Variants in CAMK2D observed in about 807,000 individuals in gnomAD.
CAMK2D encodes the protein calcium/calmodulin dependent protein kinase II delta, also known as calcium/calmodulin-dependent protein kinase type II subunit delta.
Under a neutral mutation model 84.0 loss-of-function variants are expected in CAMK2D, and 37 were observed. That is an observed-to-expected ratio of 0.44 (90% CI 0.34 to 0.58). The LOEUF (loss-of-function observed/expected upper bound fraction) is 0.58, where lower values mean the gene tolerates loss of function less well. Ranked by LOEUF, CAMK2D falls within the 20% of genes least tolerant of loss-of-function variation. The pLI is 0.02. For synonymous variants in CAMK2D, 202 were observed against 212.5 expected, an observed-to-expected ratio of 0.95 and a Z score of 0.43; for missense variants, 448 against 652.5, an observed-to-expected ratio of 0.69 and a Z score of 3.41.
chr4:113,575,490 C>T (rs1391461395), intron 4 of CAMK2D, among the ~76,000 whole-genome samples: 2 of 152,164 alleles, frequency 1.3e-5, no homozygotes, highest in African/African-American at 4.8e-5. Flanking sequence ...GACCCCGGAT[C>T]ATAATTATGA....
At chr4:113,505,516 A>T (rs571847648) in intron 13 of CAMK2D, among the ~76,000 whole-genome samples, 2 of 152,282 alleles carry the variant, frequency 1.3e-5, no homozygotes, top group Admixed American at 6.5e-5. Context: ...AAATTATCCA[A>T]TGAAAATTTA....
rs193093474 is a variant in CAMK2D at position 113,523,857 on chromosome 4, T to G, written c.602-6200A>C. Among the ~76,000 whole-genome samples the G allele has an allele frequency of 5.1e-3, 782 of 152,130 alleles. 5 individuals carry two copies. Among genetic ancestry groups the G allele is most frequent in the African/African-American group, 0.018 (747 of 41,480 alleles). The stretch of plus-strand genomic sequence containing the variant: ...AAAACAGATCTTTTTTTTTGTTGTT[T>G]TTTTGTTTTGTTTTGTTTTTTAAAG... On this transcript the variant is annotated intron_variant, in intron 8 of 20. Transcript: ENST00000511664.
chr4:113,524,690 G>T (rs1349833845), intron 8 of CAMK2D, among the ~76,000 whole-genome samples: 3 of 152,120 alleles, frequency 2.0e-5, no homozygotes, highest in Admixed American at 6.6e-5. Flanking sequence ...TGGCCCCAGA[G>T]AATCTGATTC....
intron 3 of CAMK2D, among the ~76,000 whole-genome samples, chr4:113,657,222 T>C (rs1248381784): frequency 1.3e-5 from 2 of 152,170 alleles, no homozygotes; most frequent in African/African-American, 4.8e-5. Flanking sequence ...CTGGCTCTGT[T>C]TGTTTTTGAT....
At chr4:113,507,053 T>C (rs955417078) in intron 13 of CAMK2D, among the ~76,000 whole-genome samples, 1 of 152,124 alleles carries the variant, frequency 6.6e-6, no homozygotes, top group Non-Finnish European at 1.5e-5. Flanking sequence ...CAACCACACT[T>C]TTGGTCATGT....
At chr4:113,711,483 T>G (rs1428896051) in intron 2 of CAMK2D, among the ~76,000 whole-genome samples, 1 of 152,176 alleles carries the variant, frequency 6.6e-6, no homozygotes, top group Non-Finnish European at 1.5e-5. Flanking sequence ...CTAAGGAGAT[T>G]GTGCCTATTT....
chr4:113,616,341 A>G (rs1455673219), intron 3 of CAMK2D, among the ~76,000 whole-genome samples: 1 of 152,178 alleles, frequency 6.6e-6, no homozygotes, highest in Non-Finnish European at 1.5e-5. Flanking sequence ...TCTGGTGACT[A>G]TGGTCTCCAT....
chr4:113,698,021 C>T (rs1307957904), intron 2 of CAMK2D, among the ~76,000 whole-genome samples: 2 of 152,034 alleles, frequency 1.3e-5, no homozygotes, highest in Non-Finnish European at 2.9e-5. Context: ...ATTGCTAAGT[C>T]GAGAATGCAT....
intron 16 of CAMK2D, among the ~76,000 whole-genome samples, chr4:113,478,871 G>A (rs960522354): frequency 4.6e-5 from 7 of 152,090 alleles, no homozygotes; most frequent in Non-Finnish European, 8.8e-5. Context: ...GACATTTGGA[G>A]CAGGATTTTT....
intron 2 of CAMK2D, among the ~76,000 whole-genome samples, chr4:113,746,051 A>G (rs2099603453): frequency 1.3e-5 from 2 of 152,214 alleles, no homozygotes; most frequent in South Asian, 4.1e-4. Flanking sequence ...ATGCTAAATA[A>G]GCATTAGTGT....
At chr4:113,555,781 C>T (rs758144329) in intron 4 of CAMK2D, among the ~76,000 whole-genome samples, 1 of 152,022 alleles carries the variant, frequency 6.6e-6, no homozygotes, top group Non-Finnish European at 1.5e-5. Context: ...ATATCTGTGC[C>T]CCCTCCCCAA....
In CAMK2D at chr4:113,538,170, C is replaced by T. The variant is rs1590905711; in HGVS notation, c.415-727G>A. Reference sequence around the variant, plus strand: ...ATTACTTATATATTTATTTTTCCATCTCAGAGTACTATGAGAAAGATATAT... The same window carrying T: ...ATTACTTATATATTTATTTTTCCATTTCAGAGTACTATGAGAAAGATATAT... On this transcript the variant is annotated intron_variant, in intron 6 of 20. Coordinates refer to ENST00000511664, the MANE Select transcript of CAMK2D (RefSeq NM_001321571.2). Among the ~76,000 whole-genome samples, 3 of 152,052 alleles carry T rather than the reference C, an allele frequency of 2.0e-5. No homozygotes were observed. The East Asian group carries it at 5.8e-4, about 29-fold the overall frequency.
At position 113,640,540 on chromosome 4, in the gene CAMK2D, C is replaced by G. The variant is rs537375529; in HGVS notation, c.220+21173G>C. Among the ~76,000 whole-genome samples, 3 of 152,194 alleles carry G rather than the reference C, an allele frequency of 2.0e-5. No individual in the cohort carries two copies. In the South Asian group the frequency reaches 6.2e-4, roughly 32 times the overall value. On this transcript the variant is annotated intron_variant, in intron 3 of 20. Coordinates refer to ENST00000511664, the MANE Select transcript of CAMK2D (RefSeq NM_001321571.2). ...AAGTTAGATGATTAGGTAAATAGTC[C>G]TAACAAAACCTAATCAGTATTGTAA...
rs114907027 is a variant in CAMK2D at position 113,682,880 on chromosome 4, G to A, written c.161-21108C>T. Among the ~76,000 whole-genome samples, 1,020 of 152,180 alleles carry A rather than the reference G, an allele frequency of 6.7e-3. 11 individuals carry two copies. Among genetic ancestry groups the A allele is most frequent in the African/African-American group, 0.024 (988 of 41,528 alleles). On this transcript the variant is annotated intron_variant, in intron 2 of 20. Transcript: ENST00000511664. ...TGAAATAAGGACTAAAGTACATGGGGCCCTATGACTATAATAAACCCATCT... is the reference window on the plus strand; with the variant it reads ...TGAAATAAGGACTAAAGTACATGGGACCCTATGACTATAATAAACCCATCT...
chr4:113,503,175 C>G, intron 14 of CAMK2D, 198 bp from the exon 15 acceptor site: 1 of 724,370 alleles, frequency 1.4e-6, no homozygotes, highest in South Asian at 1.4e-5. Flanking sequence ...AGATAGGAAC[C>G]TCCCTACCCA....
intron 3 of CAMK2D, among the ~76,000 whole-genome samples, chr4:113,651,312 A>T (rs1307442798): frequency 2.0e-5 from 3 of 152,224 alleles, no homozygotes; most frequent in Non-Finnish European, 4.4e-5. Context: ...CTGATGTACT[A>T]TAAATCAAAT....
At chr4:113,471,168 T>C (rs1241538157) in intron 16 of CAMK2D, among the ~76,000 whole-genome samples, 3 of 152,216 alleles carry the variant, frequency 2.0e-5, no homozygotes, top group Non-Finnish European at 4.4e-5. Flanking sequence ...GTCTCCCAGC[T>C]CAAAACCTGG....
At chr4:113,691,622 G>A (rs184540675) in intron 2 of CAMK2D, among the ~76,000 whole-genome samples, 94 of 152,044 alleles carry the variant, frequency 6.2e-4, no homozygotes, top group Non-Finnish European at 1.0e-3. Flanking sequence ...ACATTGTGTC[G>A]AATGCCTGTA....
chr4:113,675,937 C>T (rs1032036595), intron 2 of CAMK2D, among the ~76,000 whole-genome samples: 1 of 152,158 alleles, frequency 6.6e-6, no homozygotes, highest in African/African-American at 2.4e-5. Flanking sequence ...ATATGCAAGC[C>T]AGATGAGGAA....
Sources: gnomAD v4.1 joint callset for allele counts (sites outside exome capture counted in the v4.1 genomes callset) on GRCh38, gnomAD v4.1.1 for gene constraint, MANE v1.5 for transcripts, NCBI Gene and HGNC (gene_info 2026-07-23, HGNC 2026-07-21) for gene names.